Variants in CSMD3 observed in about 807,000 individuals in gnomAD.
The protein encoded by CSMD3 is CUB and Sushi multiple domains 3, also known as CUB and sushi domain-containing protein 3.
A neutral mutation model predicts 435.2 loss-of-function variants in CSMD3; 177 were observed. The ratio of observed to expected loss-of-function variants is 0.41; its 90% CI spans 0.36 to 0.46. The LOEUF is 0.46. Among genes scored for constraint, CSMD3 ranks in the 20% least tolerant of loss-of-function variants. The pLI, the probability that CSMD3 is intolerant of heterozygous loss-of-function variation, is 0.34. For missense variants in CSMD3, 4,265 were observed against 4,504.6 expected, an observed-to-expected ratio of 0.95 and a Z score of 1.52; for synonymous variants, 1,656 against 1,520.5, an observed-to-expected ratio of 1.09 and a Z score of -2.07.
intron 3 of CSMD3, among the ~76,000 whole-genome samples, chr8:113,184,579 C>A (rs2092471249): frequency 6.6e-6 from 1 of 152,048 alleles, no homozygotes; most frequent in Admixed American, 6.6e-5. Context: ...CCACCCCAGT[C>A]TTTGAACTCA....
intron 9 of CSMD3, among the ~76,000 whole-genome samples, chr8:112,932,498 G>A (rs2083142657): frequency 6.6e-6 from 1 of 152,100 alleles, no homozygotes; most frequent in Non-Finnish European, 1.5e-5. Flanking sequence ...CGCCTGCCTT[G>A]GCCTCCCAAA....
Position 112,794,286 on chromosome 8 carries a change from T to C in CSMD3, c.1972+5876A>G, listed in dbSNP as rs1378899589. On this transcript the variant is annotated intron_variant, in intron 13 of 70. Transcript: ENST00000297405. The stretch of plus-strand genomic sequence containing the variant: ...TGCCCCAGATGCTGGACTGATAAAC[T>C]TTTTTTTTTTTTTTTTTTTTTTTTT... Among the ~76,000 whole-genome samples the C allele has an allele frequency of 4.9e-3, 340 of 70,006 alleles. 37 individuals are homozygous for C. The highest frequency in any genetic ancestry group is 0.01 in the African/African-American group (190 of 18,448). The allele number at this position is 70,006 out of a possible 152,430, so 45.9% of individuals were successfully genotyped here. A position where few individuals can be genotyped will look rare whatever the true frequency, so the allele number is the denominator to read the frequency against.
intron 6 of CSMD3, among the ~76,000 whole-genome samples, chr8:112,986,219 AT>A (rs1190112101): frequency 6.6e-6 from 1 of 152,188 alleles, no homozygotes; most frequent in African/African-American, 2.4e-5. Flanking sequence ...TATATCCTGT[AT>A]AAAAATGTTT....
At position 112,715,326 on chromosome 8, in the gene CSMD3, G is replaced by T. The variant is rs192087497; in HGVS notation, c.1973-25276C>A. Among the ~76,000 whole-genome samples the T allele has an allele frequency of 5.9e-5, 9 of 152,178 alleles. No individual in the cohort carries two copies. The East Asian group carries it at 1.5e-3, about 26-fold the overall frequency. The stretch of plus-strand genomic sequence containing the variant: ...TGCAAATAAACTAGAAAATCTAAAA[G>T]ATATTGATAAATTCCTGGACTCATG... On this transcript the variant is annotated intron_variant, in intron 13 of 70. Transcript: ENST00000297405.
At chr8:112,556,730 AAT>A (rs777633421) in intron 25 of CSMD3, 31 bp downstream of exon 25, 1 of 1,537,398 alleles carries the variant, frequency 6.5e-7, no homozygotes, top group South Asian at 1.1e-5. Context: ...TTTTCACAGA[AAT>A]ATTCAATGAA....
chr8:113,242,261 T>A (rs1563593626), intron 3 of CSMD3, among the ~76,000 whole-genome samples: 1 of 151,928 alleles, frequency 6.6e-6, no homozygotes. Context: ...ACATTTTACC[T>A]TAATGAACAG....
chr8:112,927,843 T>C (rs1442063294), intron 9 of CSMD3, among the ~76,000 whole-genome samples: 1 of 152,124 alleles, frequency 6.6e-6, no homozygotes, highest in Non-Finnish European at 1.5e-5. Context: ...TCACACACTT[T>C]CATATTTCTT....
At chr8:112,640,647 G>T (rs1286355951) in intron 20 of CSMD3, among the ~76,000 whole-genome samples, 1 of 151,336 alleles carries the variant, frequency 6.6e-6, no homozygotes, top group Non-Finnish European at 1.5e-5. Context: ...CCTTTTAGAG[G>T]GGGTCTAAAA....
At chr8:112,963,224 T>C (rs1418684735) in intron 7 of CSMD3, among the ~76,000 whole-genome samples, 2 of 151,992 alleles carry the variant, frequency 1.3e-5, no homozygotes, top group Non-Finnish European at 2.9e-5. Flanking sequence ...CTTTCTTCCT[T>C]ATCCCAACAA....
chr8:112,240,407 A>G (rs1814005657), intron 66 of CSMD3, among the ~76,000 whole-genome samples: 1 of 152,004 alleles, frequency 6.6e-6, no homozygotes, highest in South Asian at 2.1e-4. Context: ...TCCATTGCAA[A>G]CAAACTCTGC....
intron 2 of CSMD3, chr8:113,309,880 G>A (rs1185413839): frequency 1.3e-5 from 2 of 152,246 alleles, no homozygotes; most frequent in African/African-American, 4.8e-5. Context: ...CCAAGGGATG[G>A]TGATGTCAGG....
intron 10 of CSMD3, among the ~76,000 whole-genome samples, chr8:112,904,787 C>T (rs867234797): frequency 4.0e-5 from 6 of 151,222 alleles, no homozygotes; most frequent in Middle Eastern, 6.8e-3. Context: ...TGAGCCAAGG[C>T]AATAGTTAAT....
At chr8:112,686,752 A>G (rs1380378883) in intron 14 of CSMD3, among the ~76,000 whole-genome samples, 1 of 152,000 alleles carries the variant, frequency 6.6e-6, no homozygotes, top group Admixed American at 6.6e-5. Flanking sequence ...TCCGTAAGTA[A>G]TGGGATTACA....
chr8:112,509,431 T>C (rs1329048670), intron 28 of CSMD3, among the ~76,000 whole-genome samples: 1 of 152,110 alleles, frequency 6.6e-6, no homozygotes, highest in Non-Finnish European at 1.5e-5. Flanking sequence ...CTCATTCTCT[T>C]CTCAACCATT....
At chr8:112,337,767 C>T (rs769199380) in intron 42 of CSMD3, 36 bp from the exon 43 acceptor site, 3 of 1,557,702 alleles carry the variant, frequency 1.9e-6, no homozygotes, top group Admixed American at 1.7e-5. Context: ...TTTTTCTTTC[C>T]AAATTTCAGA....
chr8:112,973,592 A>T (rs1350440164), intron 7 of CSMD3, among the ~76,000 whole-genome samples: 1 of 151,994 alleles, frequency 6.6e-6, no homozygotes. Context: ...GTTAGATGTC[A>T]GCCATTTCCA....
chr8:113,183,110 T>A (rs1321358730), intron 3 of CSMD3, among the ~76,000 whole-genome samples: 1 of 151,922 alleles, frequency 6.6e-6, no homozygotes, highest in Non-Finnish European at 1.5e-5. Context: ...CTCTAGGAGG[T>A]GCTCCTTTCT....
chr8:112,398,465 A>T (rs918237646), intron 35 of CSMD3, among the ~76,000 whole-genome samples: 1 of 152,202 alleles, frequency 6.6e-6, no homozygotes, highest in African/African-American at 2.4e-5. Context: ...TCCACAAGGC[A>T]ATGCTAAAGG....
chr8:112,308,697 G>T (rs1318829565), intron 50 of CSMD3, among the ~76,000 whole-genome samples: 1 of 151,928 alleles, frequency 6.6e-6, no homozygotes, highest in Non-Finnish European at 1.5e-5. Flanking sequence ...AATTTTTGAG[G>T]GGGGGATCAA....
Sources: allele counts gnomAD v4.1 joint callset (sites outside exome capture counted in the v4.1 genomes callset), GRCh38; gene constraint gnomAD v4.1.1; transcripts MANE v1.5; gene names NCBI Gene and HGNC (gene_info 2026-07-23, HGNC 2026-07-21).